The following FAM83D variants were observed in gnomAD, a reference collection of about 807,000 sequenced individuals.
FAM83D encodes the protein scaffolding CK1 anchoring protein D, also known as protein FAM83D.
In FAM83D, 26 loss-of-function variants were observed where a neutral mutation model predicts 25.4. That is an observed-to-expected ratio of 1.02 (90% CI 0.75 to 1.42). The LOEUF (loss-of-function observed/expected upper bound fraction) is 1.42, where lower values mean the gene tolerates loss of function less well. Ranked by LOEUF, FAM83D falls within the 40% of genes most tolerant of loss-of-function variation. The pLI is 0.00. For synonymous variants in FAM83D, 310 were observed against 318.5 expected (o/e 0.97, Z 0.28); for missense variants, 740 against 758.1 (o/e 0.98, Z 0.28).
Position 38,951,771 on chromosome 20 carries a change from C to T in FAM83D, c.1009C>T (p.Leu337=). The part of the protein sequence containing the change: ...GNLLRMRLAR[L]SSTPRKADLD... ...CCTGCTGCGGATGCGGCTGGCTAGGCTGTCAAGTACTCCCAGGAAGGCGGA... is the reference window on the plus strand; with the variant it reads ...CCTGCTGCGGATGCGGCTGGCTAGGTTGTCAAGTACTCCCAGGAAGGCGGA... Residue 337 remains leucine (L), a synonymous_variant, in exon 4 of 4, where the codon CTG becomes TTG. Transcript: ENST00000619850. The T allele has an allele frequency of 6.2e-7, 1 of 1,614,192 alleles. No homozygotes were observed. The highest frequency in any genetic ancestry group is 1.1e-5 in the South Asian group (1 of 91,088).
chr20:38,948,147 C>T, intron 3 of FAM83D, 147 bp downstream of exon 3: 1 of 982,470 alleles, frequency 1.0e-6, no homozygotes, highest in South Asian at 1.9e-5. Context: ...AGCTGGTTAT[C>T]AAAGCCTCCT....
chr20:38,929,890 G>T (rs2085652085), intron 1 of FAM83D, among the ~76,000 whole-genome samples: 1 of 152,066 alleles, frequency 6.6e-6, no homozygotes, highest in African/African-American at 2.4e-5. Context: ...ACAGCTGATA[G>T]AACTGAGGCA....
In FAM83D at chr20:38,952,491, G is replaced by C. The variant is rs201035320; in HGVS notation, c.1729G>C (p.Asp577His). The change falls in exon 4 of 4, where the codon GAT (aspartate) becomes CAT (histidine). Residue 577 changes from aspartate (D) to histidine (H), a missense_variant. Asp to His is a moderately conservative substitution (Grantham distance 81). Transcript: ENST00000619850. ...FSRVNLLAVR[D>H]VALYPSYQ is the part of the protein sequence containing the mutation. ...CAGAGTTAATTTGCTTGCTGTTAGA[G>C]ATGTAGCACTTTATCCTTCCTATCA... The C allele has an allele frequency of 1.3e-4, 207 of 1,613,842 alleles. 1 individual carries two copies. Among genetic ancestry groups the C allele is most frequent in the Non-Finnish European group, 3.8e-5 (45 of 1,179,942 alleles).
intron 2 of FAM83D, among the ~76,000 whole-genome samples, chr20:38,946,197 C>CAAAAAAAA (rs56740383): frequency 1.3e-5 from 1 of 78,554 alleles, no homozygotes; most frequent in African/African-American, 4.3e-5. Context: ...GACTCCACCT[C>CAAAAAAAA]AAAAAAAAAA....
intron 1 of FAM83D, among the ~76,000 whole-genome samples, chr20:38,928,745 C>T (rs1320992679): frequency 3.3e-5 from 5 of 152,210 alleles, no homozygotes; most frequent in Non-Finnish European, 5.9e-5. Flanking sequence ...GACTCTCCCT[C>T]ATCTCACGGG....
intron 1 of FAM83D, among the ~76,000 whole-genome samples, chr20:38,932,245 G>A (rs1014240270): frequency 1.3e-5 from 2 of 152,182 alleles, no homozygotes; most frequent in Non-Finnish European, 2.9e-5. Context: ...AATTAGCCGG[G>A]TGTGGTGGCA....
At chr20:38,933,437 G>A (rs2085666100) in intron 1 of FAM83D, among the ~76,000 whole-genome samples, 1 of 152,144 alleles carries the variant, frequency 6.6e-6, no homozygotes, top group Admixed American at 6.5e-5. Context: ...ATAAAAAAAT[G>A]TCTCCAGACA....
chr20:38,937,877 G>A (rs996654974), intron 1 of FAM83D, among the ~76,000 whole-genome samples: 3 of 152,138 alleles, frequency 2.0e-5, no homozygotes, highest in African/African-American at 4.8e-5. Context: ...AGGATTGCTT[G>A]TGCTTCAGAG....
intron 3 of FAM83D, among the ~76,000 whole-genome samples, chr20:38,949,265 G>A (rs898677800): frequency 2.0e-5 from 3 of 151,484 alleles, no homozygotes; most frequent in Non-Finnish European, 4.4e-5. Flanking sequence ...AGATTCAAGC[G>A]ATTCCTGTGC....
At position 38,926,691 on chromosome 20, in the gene FAM83D, G is replaced by A; in HGVS notation, c.249G>A (p.Ala83=). ...ERPGEEGAAA[A]AAAEDSFGSS... is the part of the protein sequence containing the mutation. The stretch of plus-strand genomic sequence containing the variant: ...CGGGAGAGGAGGGCGCGGCGGCGGC[G>A]GCGGCGGCCGAGGACTCGTTCGGCT... The change falls in exon 1 of 4, where the codon GCG becomes GCA. Residue 83 remains alanine (A), a synonymous_variant. Coordinates refer to ENST00000619850, the MANE Select transcript of FAM83D (RefSeq NM_030919.3). The A allele has an allele frequency of 6.6e-7, 1 of 1,520,008 alleles. No homozygotes were observed. The highest frequency in any genetic ancestry group is 8.8e-7 in the Non-Finnish European group (1 of 1,140,822). The allele number at this position is 1,520,008 out of a possible 1,614,324, so 94.2% of individuals were successfully genotyped here.
Position 38,952,456 on chromosome 20 carries a change from G to A in FAM83D, c.1694G>A (p.Gly565Asp), listed in dbSNP as rs866609670. The stretch of plus-strand genomic sequence containing the variant: ...GAAAACCACCTTGGCCTTCATTCTG[G>A]CAATTTCAGCAGAGTTAATTTGCTT... ...FTENHLGLHSGNFSRVNLLAV... is the reference protein window; with the variant it reads ...FTENHLGLHSDNFSRVNLLAV... Residue 565 changes from glycine to aspartate, a missense_variant, in exon 4 of 4, where the codon GGC (glycine) becomes GAC (aspartate). By Grantham distance (94) the Gly-to-Asp change is moderately conservative. Coordinates refer to ENST00000619850, the MANE Select transcript of FAM83D (RefSeq NM_030919.3). 3 of 1,614,026 alleles carry A rather than the reference G, an allele frequency of 1.9e-6. No individual in the cohort carries two copies. The African/African-American group carries it at 4.0e-5, about 22-fold the overall frequency.
rs1568701606 is a variant in FAM83D at position 38,952,638 on chromosome 20, T to C, written c.*118T>C. On this transcript the variant is annotated 3_prime_UTR_variant, in exon 4 of 4. Transcript: ENST00000619850. The stretch of plus-strand genomic sequence containing the variant: ...TTTCTTTTACCTGACTTTGTCACCT[T>C]TGTTGTCTTTGAATTCTTTAGGCTG... The C allele has an allele frequency of 2.6e-6, 3 of 1,146,634 alleles. No homozygotes were observed. The highest frequency in any genetic ancestry group is 3.7e-6 in the Non-Finnish European group (3 of 804,626). 71.0% of individuals were successfully genotyped at this position (1,146,634 alleles called of 1,614,324 possible).
At chr20:38,929,199 T>C (rs1394247931) in intron 1 of FAM83D, among the ~76,000 whole-genome samples, 1 of 140,700 alleles carries the variant, frequency 7.1e-6, no homozygotes, top group African/African-American at 2.6e-5. Context: ...AAAAAAAAAA[T>C]CCAATGAGTA....
chr20:38,934,157 G>A (rs2085669072), intron 1 of FAM83D, among the ~76,000 whole-genome samples: 1 of 152,230 alleles, frequency 6.6e-6, no homozygotes, highest in South Asian at 2.1e-4. Flanking sequence ...CCTGGCCTCT[G>A]TCTGCCATTT....
In FAM83D at chr20:38,952,170, T is replaced by C. The variant is rs765111637; in HGVS notation, c.1408T>C (p.Ser470Pro). 1.2e-6 allele frequency: 2 copies of C among 1,614,062 alleles called. No individual in the cohort carries two copies. Among genetic ancestry groups the C allele is most frequent in the Non-Finnish European group, 1.7e-6 (2 of 1,180,044 alleles). The change falls in exon 4 of 4, where the codon TCG becomes CCG. Residue 470 changes from serine (S) to proline (P), a missense_variant. Physicochemically the swap from Ser to Pro is moderately conservative, Grantham distance 74. This residue lies in a region of FAM83D where 375 missense variants were observed against 403.2 expected (regional missense o/e 0.93). Coordinates refer to ENST00000619850, the MANE Select transcript of FAM83D (RefSeq NM_030919.3). Reference sequence around the variant, plus strand: ...GTCACCAGTCTCAAAAATGTCTGTATCGAGATCTTCCAGTTTGAAGTCTTC... The same window carrying C: ...GTCACCAGTCTCAAAAATGTCTGTACCGAGATCTTCCAGTTTGAAGTCTTC... ...EGSPVSKMSV[S>P]RSSSLKSSSS...
At chr20:38,927,196 A>G (rs1460031154) in intron 1 of FAM83D, among the ~76,000 whole-genome samples, 2 of 152,294 alleles carry the variant, frequency 1.3e-5, no homozygotes, top group East Asian at 1.9e-4. Flanking sequence ...CCTAACGTTC[A>G]TATCCCTGAA....
rs545441699 is a variant in FAM83D, at chr20:38,948,921, T to C, written c.776+921T>C. Among the ~76,000 whole-genome samples, 8 of 152,308 alleles carry C rather than the reference T, an allele frequency of 5.3e-5. 1 individual carries two copies. The South Asian group carries it at 1.7e-3, about 32-fold the overall frequency. On this transcript the variant is annotated intron_variant, in intron 3 of 3. Coordinates refer to ENST00000619850, the MANE Select transcript of FAM83D (RefSeq NM_030919.3). ...CAAAGAGGCTGTGGGAAAAAACAAA[T>C]TGAACTCTTTTTCTTGGAATTTCCT...
At chr20:38,941,931 C>T (rs778290987) in intron 1 of FAM83D, 28 bp from the exon 2 acceptor site, 24 of 1,612,320 alleles carry the variant, frequency 1.5e-5, no homozygotes, top group African/African-American at 2.7e-5. Context: ...ATAAGCTTAT[C>T]ATGTGCTCTT....
chr20:38,927,055 G>A (rs573667995), intron 1 of FAM83D, 130 bp downstream of exon 1: 1 of 1,377,696 alleles, frequency 7.3e-7, no homozygotes, highest in African/African-American at 1.5e-5. Flanking sequence ...CGCGGGCTAG[G>A]TGGTCCCAGG....
Sources: gnomAD v4.1 joint callset for allele counts (sites outside exome capture counted in the v4.1 genomes callset) on GRCh38, gnomAD v4.1.1 for gene constraint, gnomAD v4.1.1 regional missense constraint, MANE v1.5 for transcripts, NCBI Gene and HGNC (gene_info 2026-07-23, HGNC 2026-07-21) for gene names.